Variants in NOD2 observed in about 807,000 individuals in gnomAD.
NOD2 encodes the protein nucleotide-binding oligomerization domain-containing protein 2.
A neutral mutation model predicts 90.9 loss-of-function variants in NOD2; 86 were observed. That is an observed-to-expected ratio of 0.95 (90% CI 0.79 to 1.13). NOD2 has a LOEUF of 1.13. NOD2 is among the 50% of genes most tolerant of loss of function. The pLI, the probability that NOD2 is intolerant of heterozygous loss-of-function variation, is 0.00. For synonymous variants in NOD2, 581 were observed against 554.6 expected (o/e 1.05, Z -0.67); for missense variants, 1,238 against 1,283.8 (o/e 0.96, Z 0.55).
intron 2 of NOD2, among the ~76,000 whole-genome samples, chr16:50,700,735 TTCTG>T (rs1286634880): frequency 1.3e-5 from 2 of 152,236 alleles, no homozygotes; most frequent in Non-Finnish European, 2.9e-5. Context: ...ACACTTTTAT[TTCTG>T]TCTGTTTTAA....
In NOD2 at chr16:50,711,890, C is replaced by G. The variant is rs111400183; in HGVS notation, c.1898C>G (p.Ala633Gly). The G allele has an allele frequency of 1.9e-4, 304 of 1,608,380 alleles. No homozygotes were observed. Among genetic ancestry groups the G allele is most frequent in the Non-Finnish European group, 2.0e-4 (237 of 1,175,680 alleles). Residue 633 changes from alanine (A) to glycine (G), a missense_variant, in exon 4 of 12, where the codon GCA (alanine) becomes GGA (glycine). Ala to Gly is a moderately conservative substitution (Grantham distance 60). Coordinates refer to ENST00000647318, the MANE Select transcript of NOD2 (RefSeq NM_001370466.1). ...TCGGAGGGAAAGGACAGCAGCGTGG[C>G]AGCTTTGCTGCAGAAGGCCGAGCCG... Reference protein sequence around the residue: ...QASEGKDSSVAALLQKAEPHN... With the variant: ...QASEGKDSSVGALLQKAEPHN...
Position 50,711,264 on chromosome 16 carries a change from C to A in NOD2, c.1272C>A (p.Gly424=), listed in dbSNP as rs1286492417. The A allele has an allele frequency of 6.2e-7, 1 of 1,613,746 alleles. No individual in the cohort carries two copies. Among genetic ancestry groups the A allele is most frequent in the Non-Finnish European group, 8.5e-7 (1 of 1,180,020 alleles). ...EFNLKGFSEQ[G]IELYLRKRHH... ...ACCTCAAGGGCTTCTCTGAACAGGGCATCGAGCTGTACCTGAGGAAGCGCC... is the reference window on the plus strand; with the variant it reads ...ACCTCAAGGGCTTCTCTGAACAGGGAATCGAGCTGTACCTGAGGAAGCGCC... The change falls in exon 4 of 12, where the codon GGC becomes GGA. Residue 424 remains glycine (G), a synonymous_variant. Coordinates refer to ENST00000647318, the MANE Select transcript of NOD2 (RefSeq NM_001370466.1).
rs369766227 is a variant in NOD2 at position 50,712,106 on chromosome 16, G to A, written c.2114G>A (p.Ser705Asn). ...CCAGCTGCACCGGGTGAGGCCAAGA[G>A]CGTGCATGCCATGCCCGGGTTCATC... ...IPPAAPGEAK[S>N]VHAMPGFIWL... Residue 705 changes from serine (S) to asparagine (N), a missense_variant, in exon 4 of 12, where the codon AGC (serine) becomes AAC (asparagine). By Grantham distance (46) the Ser-to-Asn change is conservative (BLOSUM62 1). Transcript: ENST00000647318. 5.6e-6 allele frequency: 9 copies of A among 1,613,904 alleles called. No individual in the cohort carries two copies. Among genetic ancestry groups the A allele is most frequent in the Admixed American group, 5.0e-5 (3 of 60,016 alleles).
intron 2 of NOD2, among the ~76,000 whole-genome samples, chr16:50,702,296 A>G (rs550630692): frequency 6.6e-6 from 1 of 152,384 alleles, no homozygotes; most frequent in Admixed American, 6.5e-5. Context: ...CAGCAAAAGC[A>G]AACATTGAAG....
chr16:50,711,194 C>G lies in NOD2; in HGVS notation c.1202C>G (p.Ala401Gly). The change falls in exon 4 of 12, where the codon GCC (alanine) becomes GGC (glycine). Residue 401 changes from alanine to glycine, a missense_variant. Ala to Gly is a moderately conservative substitution (Grantham distance 60). This residue lies in a region of NOD2 where 567 missense variants were observed against 577.3 expected (regional missense o/e 0.98). Coordinates refer to ENST00000647318, the MANE Select transcript of NOD2 (RefSeq NM_001370466.1). The stretch of plus-strand genomic sequence containing the variant: ...CGCAAGGTGGTGACCAGCCGTCCGG[C>G]CGCTGTGTCGGCGTTCCTCAGGAAG... ...NARKVVTSRP[A>G]AVSAFLRKYI... 6.2e-7 allele frequency: 1 copy of G among 1,614,126 alleles called. No individual in the cohort carries two copies. Among genetic ancestry groups the G allele is most frequent in the Non-Finnish European group, 8.5e-7 (1 of 1,180,038 alleles).
At position 50,731,926 on chromosome 16, in the gene NOD2, C is replaced by A; in HGVS notation, c.*107C>A. The A allele has an allele frequency of 1.2e-6, 1 of 824,770 alleles. No homozygotes were observed. The highest frequency in any genetic ancestry group is 2.1e-6 in the Non-Finnish European group (1 of 476,494). 51.1% of individuals were successfully genotyped at this position (824,770 alleles called of 1,614,324 possible). A position where few individuals can be genotyped will look rare whatever the true frequency, so the allele number is the denominator to read the frequency against. ...GCAGCCTCTTCAAAATGAGCCCTGT[C>A]CTGCCTAAGGCTGAACTTGTTTTCT... On this transcript the variant is annotated 3_prime_UTR_variant, in exon 12 of 12. Coordinates refer to ENST00000647318, the MANE Select transcript of NOD2 (RefSeq NM_001370466.1).
chr16:50,731,708 T>C (rs1456698243), intron 11 of NOD2, 39 bp from the exon 12 acceptor site: 2 of 1,407,992 alleles, frequency 1.4e-6, no homozygotes, highest in Non-Finnish European at 2.0e-6. Flanking sequence ...GCTCTAATTT[T>C]GTCCTCACTC....
chr16:50,708,138 A>C (rs1964286532), intron 3 of NOD2, among the ~76,000 whole-genome samples, 178 bp downstream of exon 3: 1 of 152,210 alleles, frequency 6.6e-6, no homozygotes, highest in Non-Finnish European at 1.5e-5. Flanking sequence ...GGGAGCATTA[A>C]AAGGACAAAA....
chr16:50,720,722 G>A (rs1302681374), intron 7 of NOD2, among the ~76,000 whole-genome samples: 1 of 152,234 alleles, frequency 6.6e-6, no homozygotes, highest in Non-Finnish European at 1.5e-5. Flanking sequence ...ACCTGGGACT[G>A]TAGGAAGAGA....
intron 7 of NOD2, among the ~76,000 whole-genome samples, chr16:50,720,647 C>T (rs377323339): frequency 2.6e-4 from 40 of 152,328 alleles, no homozygotes; most frequent in Admixed American, 1.8e-3. Context: ...CCAGCAGCCT[C>T]TCTCCTATCC....
intron 4 of NOD2, 150 bp downstream of exon 4, chr16:50,712,523 C>A: frequency 1.1e-6 from 1 of 937,010 alleles, no homozygotes; most frequent in Non-Finnish European, 1.7e-6. Context: ...CCCTTCTGGG[C>A]CTTAATTTCA....
At chr16:50,695,244 T>C (rs1963593874) in intron 1 of NOD2, among the ~76,000 whole-genome samples, 1 of 152,028 alleles carries the variant, frequency 6.6e-6, no homozygotes, top group African/African-American at 2.4e-5. Flanking sequence ...GTCTTGCCCA[T>C]GGCCCAGAGG....
intron 4 of NOD2, among the ~76,000 whole-genome samples, chr16:50,714,393 C>T (rs1474965683): frequency 6.6e-6 from 1 of 151,998 alleles, no homozygotes; most frequent in Non-Finnish European, 1.5e-5. Context: ...GGGGTGGGGC[C>T]CAGGAAATCT....
chr16:50,718,937 G>A (rs910282181), intron 6 of NOD2, among the ~76,000 whole-genome samples: 1 of 152,222 alleles, frequency 6.6e-6, no homozygotes, highest in African/African-American at 2.4e-5. Context: ...GGAGCTGGGG[G>A]AGGCTGGGAG....
At chr16:50,723,273 C>A (rs376437615) in intron 8 of NOD2, 28 bp from the exon 9 acceptor site, 1 of 1,607,664 alleles carries the variant, frequency 6.2e-7, no homozygotes. Context: ...CCTGCTCTGA[C>A]ATACTTTTGT....
intron 1 of NOD2, among the ~76,000 whole-genome samples, chr16:50,694,674 C>A (rs1963561882): frequency 6.6e-6 from 1 of 152,216 alleles, no homozygotes; most frequent in African/African-American, 2.4e-5. Context: ...ACAGATTCTA[C>A]ACCTTGGTTC....
Position 50,696,902 on chromosome 16 carries a change from C to T in NOD2, c.-8-2586C>T, listed in dbSNP as rs566485901. ...CTAGCTGGGGTGTGTATGGCTCACACGTAGGCCAGGCTGCCCTAGGCTTGG... is the reference window on the plus strand; with the variant it reads ...CTAGCTGGGGTGTGTATGGCTCACATGTAGGCCAGGCTGCCCTAGGCTTGG... On this transcript the variant is annotated intron_variant, in intron 1 of 11. Transcript: ENST00000647318. 1.5e-4 allele frequency among the ~76,000 whole-genome samples: 23 copies of T among 152,342 alleles called. 1 individual carries two copies. In the South Asian group the frequency reaches 1.9e-3, roughly 12 times the overall value.
In NOD2 at chr16:50,719,836, C is replaced by T. The variant is rs754819146; in HGVS notation, c.2550-89C>T. The T allele has an allele frequency of 8.1e-6, 10 of 1,229,540 alleles. No homozygotes were observed. In the South Asian group the frequency reaches 1.2e-4, roughly 15 times the overall value. The allele number at this position is 1,229,540 out of a possible 1,614,324, so 76.2% of individuals were successfully genotyped here. A position where few individuals can be genotyped will look rare whatever the true frequency, so the allele number is the denominator to read the frequency against. On this transcript the variant is annotated intron_variant, in intron 6 of 11. Coordinates refer to ENST00000647318, the MANE Select transcript of NOD2 (RefSeq NM_001370466.1). Reference sequence around the variant, plus strand: ...CTCCCGGGCAGGTCTTCAATGCTTTCTTCCTGTGTTTCCCTGGCCAGGGCA... The same window carrying T: ...CTCCCGGGCAGGTCTTCAATGCTTTTTTCCTGTGTTTCCCTGGCCAGGGCA...
At chr16:50,709,070 T>G (rs1335556628) in intron 3 of NOD2, among the ~76,000 whole-genome samples, 1 of 152,202 alleles carries the variant, frequency 6.6e-6, no homozygotes, top group East Asian at 1.9e-4. Context: ...CTGGAGAATT[T>G]TAGTATCATT....
Sources: gnomAD v4.1 joint callset for allele counts (sites outside exome capture counted in the v4.1 genomes callset) on GRCh38, gnomAD v4.1.1 for gene constraint, gnomAD v4.1.1 regional missense constraint, MANE v1.5 for transcripts, NCBI Gene and HGNC (gene_info 2026-07-23, HGNC 2026-07-21) for gene names.